Variants in SSU72 observed in about 807,000 individuals in gnomAD.
SSU72 encodes the protein RNA polymerase II subunit A C-terminal domain phosphatase SSU72.
SSU72 carries 12 observed loss-of-function variants against 22.7 expected under a neutral mutation model. That is an observed-to-expected ratio of 0.53 (90% confidence interval 0.34 to 0.86). The LOEUF (loss-of-function observed/expected upper bound fraction) is 0.86. SSU72 is among the 40% of genes least tolerant of loss of function. The probability of loss-of-function intolerance (pLI) is 0.02; values close to 1 mark genes in which losing one functional copy is unlikely to be tolerated. For missense variants in SSU72, 151 were observed against 249.8 expected (o/e 0.60, Z 2.67); for synonymous variants, 116 against 98.3 (o/e 1.18, Z -1.06).
At chr1:1,551,925 G>A (rs944318999) in intron 2 of SSU72, among the ~76,000 whole-genome samples, 2 of 152,116 alleles carry the variant, frequency 1.3e-5, no homozygotes, top group Admixed American at 6.6e-5. Flanking sequence ...TGTCCATAAT[G>A]CAACAGAGCA....
intron 2 of SSU72, among the ~76,000 whole-genome samples, chr1:1,557,335 C>A (rs1034811314): frequency 6.6e-6 from 1 of 151,920 alleles, no homozygotes; most frequent in Non-Finnish European, 1.5e-5. Context: ...ATCGTTTGAA[C>A]CTGGGAGGCG....
intron 2 of SSU72, among the ~76,000 whole-genome samples, chr1:1,553,619 C>CAAAAAAAA (rs59261076): frequency 1.1e-4 from 11 of 100,792 alleles, no homozygotes; most frequent in Non-Finnish European, 1.9e-4. Flanking sequence ...ACTAAAAATA[C>CAAAAAAAA]AAAAAAAAAA....
At chr1:1,572,699 C>T (rs1374526561) in intron 1 of SSU72, among the ~76,000 whole-genome samples, 1 of 151,332 alleles carries the variant, frequency 6.6e-6, no homozygotes, top group East Asian at 2.1e-4. Context: ...CTTTGTGATC[C>T]GCCCATCTCG....
intron 2 of SSU72, among the ~76,000 whole-genome samples, chr1:1,560,475 A>T (rs900766678): frequency 1.3e-5 from 2 of 151,870 alleles, no homozygotes; most frequent in Non-Finnish European, 2.9e-5. Flanking sequence ...GCAAACCTAG[A>T]CTCGTACCCT....
chr1:1,568,041 T>C (rs936633724), intron 1 of SSU72, among the ~76,000 whole-genome samples: 1 of 152,204 alleles, frequency 6.6e-6, no homozygotes, highest in Non-Finnish European at 1.5e-5. Context: ...AGTTAGCCTA[T>C]TTAAAAACAA....
In SSU72 at chr1:1,542,737, ACT is replaced by A. The variant is rs369032482; in HGVS notation, c.484-572_484-571del. On this transcript the variant is annotated intron_variant, in intron 4 of 4. Transcript: ENST00000291386. This position sits in a 1 kb window ranked among gnomAD's most constrained non-coding sequence, Gnocchi z 4.4. ...CTAAGCAAGGAGCGGCCTGTCTGTG[ACT>A]CAGCTCTGGCCAACGTGACCCAAGC... Among the ~76,000 whole-genome samples the A allele has an allele frequency of 2.2e-4, 33 of 152,082 alleles. No individual in the cohort carries two copies. Among genetic ancestry groups the A allele is most frequent in the African/African-American group, 6.3e-4 (26 of 41,454 alleles).
At chr1:1,569,552 G>A (rs1243774953) in intron 1 of SSU72, among the ~76,000 whole-genome samples, 2 of 152,164 alleles carry the variant, frequency 1.3e-5, no homozygotes, top group African/African-American at 2.4e-5. Flanking sequence ...GTTCAGTGGC[G>A]CAGTCACAGC....
intron 2 of SSU72, among the ~76,000 whole-genome samples, chr1:1,552,362 T>C (rs1373860889): frequency 1.3e-5 from 2 of 152,196 alleles, no homozygotes; most frequent in Non-Finnish European, 2.9e-5. Context: ...GCCTCCTCCT[T>C]AGGGACCGGG....
intron 4 of SSU72, among the ~76,000 whole-genome samples, chr1:1,543,559 T>C (rs1432492281): frequency 2.6e-5 from 4 of 151,410 alleles, no homozygotes; most frequent in Non-Finnish European, 5.9e-5. Flanking sequence ...GAGCAGACCT[T>C]GCCCCAAGCA....
At chr1:1,560,430 C>T (rs1197998517) in intron 2 of SSU72, among the ~76,000 whole-genome samples, 1 of 152,184 alleles carries the variant, frequency 6.6e-6, no homozygotes, top group East Asian at 1.9e-4. Flanking sequence ...AGGCGTGGCT[C>T]GTCTAACTTT....
At position 1,574,853 on chromosome 1, in the gene SSU72, C is replaced by T; in HGVS notation, c.-296G>A. On this transcript the variant is annotated 5_prime_UTR_variant, in exon 1 of 5. Coordinates refer to ENST00000291386, the MANE Select transcript of SSU72 (RefSeq NM_014188.3). ...GAGACCCGCACTCCACAAGGCCCGG[C>T]TGAGCGTCACGGCGCCAAGCGGCGG... 2 of 361,094 alleles carry T rather than the reference C, an allele frequency of 5.5e-6. No individual in the cohort carries two copies. The highest frequency in any genetic ancestry group is 1.5e-4 in the East Asian group (2 of 13,478). 22.4% of individuals were successfully genotyped at this position (361,094 alleles called of 1,614,324 possible).
chr1:1,542,048 T>A lies in SSU72; in HGVS notation c.*18A>T. 1 of 1,561,574 alleles carries A rather than the reference T, an allele frequency of 6.4e-7. No individual in the cohort carries two copies. The highest frequency in any genetic ancestry group is 8.7e-7 in the Non-Finnish European group (1 of 1,152,250). Reference sequence around the variant, plus strand: ...AACAACAGGAAGCTCCAGAGGCGGCTCCATGCGGGCGCTGGGCTCAGTAGA... The same window carrying A: ...AACAACAGGAAGCTCCAGAGGCGGCACCATGCGGGCGCTGGGCTCAGTAGA... On this transcript the variant is annotated 3_prime_UTR_variant, in exon 5 of 5. Transcript: ENST00000291386. This position sits in a 1 kb window ranked among gnomAD's most constrained non-coding sequence, Gnocchi z 4.4.
At chr1:1,557,214 A>G (rs1444595585) in intron 2 of SSU72, among the ~76,000 whole-genome samples, 1 of 151,688 alleles carries the variant, frequency 6.6e-6, no homozygotes, top group Non-Finnish European at 1.5e-5. Context: ...GCAGTTCAAG[A>G]CCAGCTTGGC....
chr1:1,543,627 ACTGTCACGGCCTCGGCCACTCCCCT>A (rs1557493761), intron 4 of SSU72, among the ~76,000 whole-genome samples: 3 of 98,640 alleles, frequency 3.0e-5, no homozygotes, highest in African/African-American at 1.2e-4. Flanking sequence ...GCCACTCCCC[ACTGTCACGGCCTCGGCCACTCCCCT>A]CTGTCACGGC....
chr1:1,556,806 C>T (rs1642526757), intron 2 of SSU72, among the ~76,000 whole-genome samples: 1 of 152,226 alleles, frequency 6.6e-6, no homozygotes. Context: ...TGAAAACTCA[C>T]AGGCTTGTGG....
chr1:1,548,133 C>A (rs1233667019), intron 2 of SSU72, among the ~76,000 whole-genome samples: 2 of 152,182 alleles, frequency 1.3e-5, no homozygotes, highest in Non-Finnish European at 2.9e-5. Flanking sequence ...ATTGGACTCC[C>A]AGGGCCTGGA....
rs749254618 is a variant in SSU72, at chr1:1,564,552, C to A, written c.224+221G>T. 6 of 1,567,770 alleles carry A rather than the reference C, an allele frequency of 3.8e-6. No individual in the cohort carries two copies. The South Asian group carries it at 5.8e-5, about 15-fold the overall frequency. On this transcript the variant is annotated intron_variant, in intron 2 of 4. Transcript: ENST00000291386. ...GAACCACGTCAGGGTGAACCCCACA[C>A]CGTGTCTGTGCGCCTCACCACGCCT...
intron 1 of SSU72, among the ~76,000 whole-genome samples, chr1:1,568,340 C>T (rs1238540057): frequency 6.6e-6 from 1 of 152,188 alleles, no homozygotes. Context: ...GGCTTGTAAT[C>T]CCAGCACTTT....
Position 1,570,738 on chromosome 1 carries a change from C to G in SSU72, c.80+3740G>C, listed in dbSNP as rs118064867. ...ACAGAACAAGAGCTTATCCCCGATG[C>G]ATGCGTGAACACATGGAGACAGACG... On this transcript the variant is annotated intron_variant, in intron 1 of 4. Transcript: ENST00000291386. Among the ~76,000 whole-genome samples, 258 of 152,376 alleles carry G rather than the reference C, an allele frequency of 1.7e-3. 6 individuals are homozygous for G. In the East Asian group the frequency reaches 0.047, roughly 28 times the overall value.
Sources: allele counts gnomAD v4.1 joint callset (sites outside exome capture counted in the v4.1 genomes callset), GRCh38; gene constraint gnomAD v4.1.1; non-coding constraint Gnocchi (gnomAD v3.1); transcripts MANE v1.5; gene names NCBI Gene and HGNC (gene_info 2026-07-23, HGNC 2026-07-21).